Variants in NOTCH3 observed in about 807,000 individuals in gnomAD.
The protein encoded by NOTCH3 is notch receptor 3.
NOTCH3 carries 86 observed loss-of-function variants against 213.3 expected under a neutral mutation model. The observed-to-expected ratio is 0.40, with a 90% CI of 0.34 to 0.48. The LOEUF is 0.48. Ranked by LOEUF, NOTCH3 falls within the 20% of genes least tolerant of loss-of-function variation. NOTCH3 has a pLI of 0.57. For synonymous variants in NOTCH3, 1,354 were observed against 1,355.9 expected (o/e 1.00, Z 0.03); for missense variants, 2,783 against 3,272.6 (o/e 0.85, Z 3.65).
At chr19:15,193,770 C>T (rs1417459891) in intron 2 of NOTCH3, among the ~76,000 whole-genome samples, 1 of 27,668 alleles carries the variant, frequency 3.6e-5, no homozygotes. Context: ...GACTCCATCT[C>T]AAAAAAAAAC....
At position 15,161,426 on chromosome 19, in the gene NOTCH3, C is replaced by T. The variant is rs189252435; in HGVS notation, c.6202G>A (p.Gly2068Arg). The stretch of plus-strand genomic sequence containing the variant: ...CCCTGCGGCCCCAGCCCCGCCTTCC[C>T]GGGGGGCCTCCTGCTCTTCTTGGAC... ...SGSKKSRRPP[G>R]KAGLGPQGPR... The change falls in exon 33 of 33, where the codon GGG becomes AGG. Residue 2068 changes from glycine (G) to arginine (R), a missense_variant. Coordinates refer to ENST00000263388, the MANE Select transcript of NOTCH3 (RefSeq NM_000435.3). The T allele has an allele frequency of 7.2e-6, 11 of 1,533,980 alleles. No homozygotes were observed. The East Asian group carries it at 7.3e-5, about 10-fold the overall frequency.
chr19:15,178,368 C>T, intron 23 of NOTCH3: 1 of 482,822 alleles, frequency 2.1e-6, no homozygotes, highest in Non-Finnish European at 3.7e-6. Flanking sequence ...TTCAAACCTC[C>T]AGGAAATGTC....
intron 2 of NOTCH3, 59 bp downstream of exon 2, chr19:15,197,441 G>GGGGGCCCCCCCCCCCCC: frequency 1.3e-6 from 1 of 768,364 alleles, no homozygotes; most frequent in Non-Finnish European, 2.3e-6. Context: ...AAGACAAATC[G>GGGGGCCCCCCCCCCCCC]CCCCTCCCCC....
chr19:15,192,786 G>T (rs1337807529), intron 2 of NOTCH3, among the ~76,000 whole-genome samples: 1 of 152,094 alleles, frequency 6.6e-6, no homozygotes, highest in Non-Finnish European at 1.5e-5. Flanking sequence ...ATAGTGGTGC[G>T]TGCCTGTAGT....
At chr19:15,199,732 C>T (rs965266885) in intron 1 of NOTCH3, among the ~76,000 whole-genome samples, 1 of 152,182 alleles carries the variant, frequency 6.6e-6, no homozygotes, top group South Asian at 2.1e-4. Context: ...GCGGAGGCGG[C>T]GGCTCCTGCC....
rs1300230282 is a variant in NOTCH3, at chr19:15,161,233, G to A, written c.6395C>T (p.Ala2132Val). The A allele has an allele frequency of 1.3e-6, 2 of 1,548,190 alleles. No homozygotes were observed. Among genetic ancestry groups the A allele is most frequent in the Admixed American group, 3.9e-5 (2 of 50,968 alleles). Residue 2132 changes from alanine to valine, a missense_variant, in exon 33 of 33, where the codon GCC becomes GTC. Physicochemically the swap from Ala to Val is moderately conservative, Grantham distance 64. Around this residue, in one of 6 missense-constraint regions of NOTCH3, gnomAD observed 441 missense variants for 432.1 expected, o/e 1.02. Transcript: ENST00000263388. The stretch of plus-strand genomic sequence containing the variant: ...AAGCTGTGCCAGAGACACTGCAGTG[G>A]CAGTGGCAGCTGCATAGGGCCCCTC... ...PLEGPYAAAT[A>V]TAVSLAQLGG...
At chr19:15,175,159 C>G (rs1157956627) in intron 24 of NOTCH3, among the ~76,000 whole-genome samples, 1 of 152,164 alleles carries the variant, frequency 6.6e-6, no homozygotes, top group African/African-American at 2.4e-5. Context: ...CCACGTGCAG[C>G]TGGCATTCCA....
intron 1 of NOTCH3, among the ~76,000 whole-genome samples, chr19:15,199,776 TG>T (rs2046996828): frequency 6.6e-6 from 1 of 152,060 alleles, no homozygotes; most frequent in Admixed American, 6.5e-5. Flanking sequence ...GGGGCTGGGC[TG>T]GGGAGGCCGT....
intron 2 of NOTCH3, among the ~76,000 whole-genome samples, chr19:15,196,530 C>T (rs1314033795): frequency 6.6e-6 from 1 of 152,148 alleles, no homozygotes; most frequent in Non-Finnish European, 1.5e-5. Flanking sequence ...GTACTTGGCA[C>T]ACATGATGCT....
intron 24 of NOTCH3, among the ~76,000 whole-genome samples, 154 bp downstream of exon 24, chr19:15,177,359 AACAGACACACGG>A (rs1266018440): frequency 6.6e-6 from 1 of 152,184 alleles, no homozygotes; most frequent in Non-Finnish European, 1.5e-5. Context: ...CACATGGATG[AACAGACACACGG>A]ACAGACACGT....
chr19:15,161,980 GTCT>G (rs2046648256), intron 32 of NOTCH3, among the ~76,000 whole-genome samples: 1 of 81,740 alleles, frequency 1.2e-5, no homozygotes, highest in African/African-American at 4.3e-5. Context: ...TTTTTTTCTT[GTCT>G]TTTTTTTTTT....
In NOTCH3 at chr19:15,166,610, T is replaced by C. The variant is rs377514065; in HGVS notation, c.5363-519A>G. Among the ~76,000 whole-genome samples the C allele has an allele frequency of 4.8e-4, 73 of 152,270 alleles. 1 individual carries two copies. The South Asian group carries it at 5.2e-3, about 11-fold the overall frequency. On this transcript the variant is annotated intron_variant, in intron 29 of 32. Transcript: ENST00000263388. ...AAAGAGAGCCATAAGTACAGGCCAT[T>C]TGGAGCATAAGCAAAATGAAGCTAA... is the stretch of plus-strand genomic sequence containing the variant.
chr19:15,176,097 G>A (rs115841198), intron 24 of NOTCH3, among the ~76,000 whole-genome samples: 2,214 of 151,886 alleles, frequency 0.015, 59 homozygotes, highest in African/African-American at 0.052. Flanking sequence ...GGACAGATTC[G>A]GCCCAAGGAT....
At chr19:15,200,716 GC>G in intron 1 of NOTCH3, 71 bp downstream of exon 1, 1 of 1,133,536 alleles carries the variant, frequency 8.8e-7, no homozygotes, top group Non-Finnish European at 1.1e-6. Context: ...ACCCCCGCCA[GC>G]CCCGGCCTTG....
At chr19:15,200,252 C>G (rs888375068) in intron 1 of NOTCH3, among the ~76,000 whole-genome samples, 1 of 151,622 alleles carries the variant, frequency 6.6e-6, no homozygotes, top group African/African-American at 2.4e-5. Flanking sequence ...GGCTCCGGCT[C>G]GGAATCCGGC....
In NOTCH3 at chr19:15,197,541, T is replaced by A; in HGVS notation, c.156A>T (p.Gly52=). 6.3e-7 allele frequency: 1 copy of A among 1,579,876 alleles called. No individual in the cohort carries two copies. Among genetic ancestry groups the A allele is most frequent in the South Asian group, 1.1e-5 (1 of 90,310 alleles). ...GGGAGGGCAGCTGGGTGCAACGACC[T>A]CCATTTGCACACGGGCTTCCGTCCA... The part of the protein sequence containing the change: ...PCLDGSPCAN[G]GRCTQLPSRE... Residue 52 remains glycine, a synonymous_variant, in exon 2 of 33, where the codon GGA becomes GGT. Transcript: ENST00000263388.
intron 25 of NOTCH3, among the ~76,000 whole-genome samples, chr19:15,173,381 C>T (rs1238574454): frequency 7.2e-6 from 1 of 138,020 alleles, no homozygotes; most frequent in Non-Finnish European, 1.5e-5. Flanking sequence ...GAGATCGCGC[C>T]TCTGCACTCT....
In NOTCH3 at chr19:15,170,694, G is replaced by A. The variant is rs774169388; in HGVS notation, c.4868C>T (p.Pro1623Leu). The A allele has an allele frequency of 6.3e-7, 1 of 1,586,612 alleles. No homozygotes were observed. ...ALSAVERLDF[P>L]YPLRDVRGEP... ...ACCCCGCACGTCCCGCAGTGGGTAC[G>A]GGAAGTCCAGGCGCTCCACCGCTGA... is the stretch of plus-strand genomic sequence containing the variant. The change falls in exon 26 of 33, where the codon CCG (proline) becomes CTG (leucine). Residue 1623 changes from proline (P) to leucine (L), a missense_variant. Physicochemically the swap from Pro to Leu is moderately conservative, Grantham distance 98. This residue lies in a region of NOTCH3 where 636 missense variants were observed against 801.8 expected (regional missense o/e 0.79). Coordinates refer to ENST00000263388, the MANE Select transcript of NOTCH3 (RefSeq NM_000435.3).
intron 32 of NOTCH3, 60 bp from the exon 33 acceptor site, chr19:15,161,774 C>T (rs2046646247): frequency 6.7e-7 from 1 of 1,492,982 alleles, no homozygotes; most frequent in Non-Finnish European, 9.2e-7. Context: ...CAAAGTCTTC[C>T]AGCCTCTTGG....
Sources: gnomAD v4.1 joint callset for allele counts (sites outside exome capture counted in the v4.1 genomes callset) on GRCh38, gnomAD v4.1.1 for gene constraint, gnomAD v4.1.1 regional missense constraint, MANE v1.5 for transcripts, NCBI Gene and HGNC (gene_info 2026-07-23, HGNC 2026-07-21) for gene names.